LBH: variants seen among roughly 807,000 people sequenced by gnomAD.
LBH encodes protein LBH.
In LBH, 7 loss-of-function variants were observed where a neutral mutation model predicts 12.5. The observed-to-expected ratio is 0.56, with a 90% confidence interval of 0.32 to 1.05. The LOEUF (loss-of-function observed/expected upper bound fraction) is 1.05. Among genes scored for constraint, LBH ranks in the 50% least tolerant of loss-of-function variants. The pLI, the probability that LBH is intolerant of heterozygous loss-of-function variation, is 0.04. For missense variants in LBH, 119 were observed against 138.9 expected (o/e 0.86, Z 0.72); for synonymous variants, 51 against 50.1 (o/e 1.02, Z -0.08).
Position 30,257,675 on chromosome 2 carries a change from G to T in LBH, c.*54G>T, listed in dbSNP as rs1678109731. ...CAGCCAGCATCTGTTCCTGAACTGTGTTTTTCCCATCATGACGGAAGAAGA... is the reference window on the plus strand; with the variant it reads ...CAGCCAGCATCTGTTCCTGAACTGTTTTTTTCCCATCATGACGGAAGAAGA... On this transcript the variant is annotated 3_prime_UTR_variant, in exon 3 of 3. Transcript: ENST00000395323. 1 of 1,355,364 alleles carries T rather than the reference G, an allele frequency of 7.4e-7. No individual in the cohort carries two copies. The highest frequency in any genetic ancestry group is 1.0e-6 in the Non-Finnish European group (1 of 996,498). The allele number at this position is 1,355,364 out of a possible 1,614,324, so 84.0% of individuals were successfully genotyped here.
In LBH at chr2:30,259,639, G is replaced by GT. The variant is rs1435593249; in HGVS notation, c.*2019dup. On this transcript the variant is annotated 3_prime_UTR_variant, in exon 3 of 3. Coordinates refer to ENST00000395323, the MANE Select transcript of LBH (RefSeq NM_030915.4). ...TGCGTAACAAATCTACTTTGTGTATGTGTCTGTTTATGGGGGTGGTTTATT... is the reference window on the plus strand; with the variant it reads ...TGCGTAACAAATCTACTTTGTGTATGTTGTCTGTTTATGGGGGTGGTTTATT... 2 of 152,552 alleles carry GT rather than the reference G, an allele frequency of 1.3e-5. No homozygotes were observed. The highest frequency in any genetic ancestry group is 1.3e-4 in the Admixed American group (2 of 15,268). The allele number at this position is 152,552 out of a possible 1,614,324, so 9.4% of individuals were successfully genotyped here. A position where few individuals can be genotyped will look rare whatever the true frequency, so the allele number is the denominator to read the frequency against.
chr2:30,234,412 TATCTGAG>T lies in LBH; in HGVS notation c.38_44del (p.Leu13ArgfsTer4). On this transcript the variant is annotated frameshift_variant, in exon 2 of 3. Transcript: ENST00000395323. LOFTEE classifies it high-confidence loss of function. ...GTCTGGGTTTCTTGGCAGCCCCGAC[TATCTGAG>T]ATCGGCCAAGATGACTGAGGTGATG... 6.2e-7 allele frequency: 1 copy of T among 1,614,020 alleles called. No homozygotes were observed. Among genetic ancestry groups the T allele is most frequent in the Non-Finnish European group, 8.5e-7 (1 of 1,179,856 alleles).
At chr2:30,248,663 G>A (rs191522219) in intron 2 of LBH, among the ~76,000 whole-genome samples, 7 of 152,268 alleles carry the variant, frequency 4.6e-5, no homozygotes, top group South Asian at 2.1e-4. Context: ...TCAAAAAGTC[G>A]TGAATATTTG....
chr2:30,243,256 G>C (rs1677818990), intron 2 of LBH, among the ~76,000 whole-genome samples: 1 of 152,210 alleles, frequency 6.6e-6, no homozygotes. Context: ...TTGTCCCCTA[G>C]TAGGTACACT....
chr2:30,254,505 AT>A (rs1003729128), intron 2 of LBH, among the ~76,000 whole-genome samples: 12 of 152,124 alleles, frequency 7.9e-5, no homozygotes, highest in African/African-American at 2.9e-4. Flanking sequence ...TCATCATTAG[AT>A]TTTTTTCCTT....
At chr2:30,257,353 A>C in intron 2 of LBH, 80 bp from the exon 3 acceptor site, 1 of 1,505,082 alleles carries the variant, frequency 6.6e-7, no homozygotes, top group Non-Finnish European at 9.2e-7. Context: ...CCAGTATGCC[A>C]CATGGATGTG....
At chr2:30,254,926 T>C (rs1678053819) in intron 2 of LBH, among the ~76,000 whole-genome samples, 1 of 152,254 alleles carries the variant, frequency 6.6e-6, no homozygotes, top group Admixed American at 6.5e-5. Flanking sequence ...GCCTGGGCAG[T>C]GAAGGCCCAG....
At chr2:30,240,549 C>T (rs547345271) in intron 2 of LBH, among the ~76,000 whole-genome samples, 74 of 152,342 alleles carry the variant, frequency 4.9e-4, no homozygotes, top group Middle Eastern at 6.8e-3. Flanking sequence ...CACCTCGCCA[C>T]CTGCCCTTCC....
chr2:30,245,626 A>G (rs1318873381), intron 2 of LBH, among the ~76,000 whole-genome samples: 1 of 152,192 alleles, frequency 6.6e-6, no homozygotes. Flanking sequence ...GAGGGATTAC[A>G]GACTTAAGAA....
chr2:30,233,997 G>A (rs925401025), intron 1 of LBH, among the ~76,000 whole-genome samples: 4 of 152,190 alleles, frequency 2.6e-5, no homozygotes, highest in African/African-American at 9.7e-5. Flanking sequence ...TTCATGTGAG[G>A]ATTATTTTTA....
At chr2:30,249,897 T>C (rs1488142546) in intron 2 of LBH, among the ~76,000 whole-genome samples, 1 of 151,466 alleles carries the variant, frequency 6.6e-6, no homozygotes, top group Non-Finnish European at 1.5e-5. Flanking sequence ...TATAGAGGAG[T>C]AGAGGAGGAG....
chr2:30,253,433 C>A (rs1678022631), intron 2 of LBH, among the ~76,000 whole-genome samples: 1 of 152,152 alleles, frequency 6.6e-6, no homozygotes, highest in African/African-American at 2.4e-5. Flanking sequence ...AAAATAAGAT[C>A]TCTGATGGAA....
At chr2:30,238,921 G>A (rs1282467845) in intron 2 of LBH, among the ~76,000 whole-genome samples, 1 of 127,384 alleles carries the variant, frequency 7.9e-6, no homozygotes, top group East Asian at 2.2e-4. Context: ...ATGAAGTCTC[G>A]CTGTGTCGCC....
chr2:30,236,642 C>T (rs1677693286), intron 2 of LBH, among the ~76,000 whole-genome samples: 1 of 152,174 alleles, frequency 6.6e-6, no homozygotes. Flanking sequence ...GGGCACTTTC[C>T]CTGTGCAACC....
At chr2:30,256,679 C>G (rs11690392) in intron 2 of LBH, 38,275 of 152,018 alleles carry the variant, frequency 0.25, 5,122 homozygotes, top group Middle Eastern at 0.33. Flanking sequence ...ACCATGCCCG[C>G]CTAATTTTTT....
At chr2:30,235,297 G>A (rs1467440896) in intron 2 of LBH, among the ~76,000 whole-genome samples, 3 of 152,132 alleles carry the variant, frequency 2.0e-5, no homozygotes, top group Non-Finnish European at 2.9e-5. Flanking sequence ...GAGTTCCTAT[G>A]TTGTTAAACT....
intron 2 of LBH, among the ~76,000 whole-genome samples, chr2:30,242,521 G>A (rs10193612): frequency 5.8e-4 from 88 of 152,248 alleles, no homozygotes; most frequent in African/African-American, 1.9e-3. Flanking sequence ...GGGATTACAG[G>A]CGTGAGCCAC....
At chr2:30,253,388 C>T (rs1465623273) in intron 2 of LBH, among the ~76,000 whole-genome samples, 2 of 152,150 alleles carry the variant, frequency 1.3e-5, no homozygotes, top group Non-Finnish European at 2.9e-5. Flanking sequence ...GAGAGAGCTA[C>T]AATTTTGAGG....
At chr2:30,246,868 C>A (rs1172593216) in intron 2 of LBH, among the ~76,000 whole-genome samples, 3 of 146,734 alleles carry the variant, frequency 2.0e-5, no homozygotes, top group Non-Finnish European at 4.5e-5. Context: ...GTCACCCAGG[C>A]TAGAGTGCAG....
Sources: allele counts gnomAD v4.1 joint callset (sites outside exome capture counted in the v4.1 genomes callset), GRCh38; gene constraint gnomAD v4.1.1; transcripts MANE v1.5; gene names NCBI Gene and HGNC (gene_info 2026-07-23, HGNC 2026-07-21).